RBL2: variants seen among roughly 807,000 people sequenced by gnomAD.
The protein encoded by RBL2 is RB transcriptional corepressor like 2.
A neutral mutation model predicts 126.0 loss-of-function variants in RBL2; 56 were observed. The observed-to-expected ratio is 0.44, with a 90% CI of 0.36 to 0.56. The LOEUF is 0.56. Ranked by LOEUF, RBL2 falls within the 20% of genes least tolerant of loss-of-function variation. The pLI, the probability that RBL2 is intolerant of heterozygous loss-of-function variation, is 0.00. For missense variants in RBL2, 1,229 were observed against 1,398.2 expected, an observed-to-expected ratio of 0.88 and a Z score of 1.93; for synonymous variants, 454 against 478.5, an observed-to-expected ratio of 0.95 and a Z score of 0.67.
At chr16:53,461,881 T>C (rs781735246) in intron 10 of RBL2, 31 bp downstream of exon 10, 12 of 1,550,336 alleles carry the variant, frequency 7.7e-6, no homozygotes, top group Non-Finnish European at 1.1e-5. Flanking sequence ...TCTGCTTTTA[T>C]GTTTGAAGTT....
At chr16:53,477,391 G>A (rs953685048) in intron 17 of RBL2, among the ~76,000 whole-genome samples, 6 of 152,136 alleles carry the variant, frequency 3.9e-5, no homozygotes, top group South Asian at 2.1e-4. Flanking sequence ...AGACTAGAGA[G>A]CAGCGGTGCA....
At chr16:53,434,931 G>C in intron 1 of RBL2, 135 bp downstream of exon 1, 1 of 1,314,796 alleles carries the variant, frequency 7.6e-7, no homozygotes, top group African/African-American at 1.6e-5. Context: ...GACTTCCTCT[G>C]CGCTATTCCG....
intron 8 of RBL2, among the ~76,000 whole-genome samples, chr16:53,456,867 C>T (rs1260084498): frequency 6.6e-6 from 1 of 152,190 alleles, no homozygotes; most frequent in East Asian, 1.9e-4. Flanking sequence ...TCTTTTCCCC[C>T]TGACTCTGCT....
Position 53,490,771 on chromosome 16 carries a change from C to G in RBL2, c.*471C>G, listed in dbSNP as rs967528203. The G allele has an allele frequency of 6.6e-6, 1 of 152,612 alleles. No individual in the cohort carries two copies. The highest frequency in any genetic ancestry group is 6.5e-5 in the Admixed American group (1 of 15,278). 9.5% of individuals were successfully genotyped at this position (152,612 alleles called of 1,614,324 possible). A position where few individuals can be genotyped will look rare whatever the true frequency, so the allele number is the denominator to read the frequency against. Reference sequence around the variant, plus strand: ...TAGGAGTGTGTGATTTTTTGCATTCCTGACAAAGGAGAGCACACCCAGGTT... The same window carrying G: ...TAGGAGTGTGTGATTTTTTGCATTCGTGACAAAGGAGAGCACACCCAGGTT... On this transcript the variant is annotated 3_prime_UTR_variant, in exon 22 of 22. Transcript: ENST00000262133.
chr16:53,483,140 C>T (rs1346753098), intron 21 of RBL2, among the ~76,000 whole-genome samples: 1 of 152,036 alleles, frequency 6.6e-6, no homozygotes, highest in South Asian at 2.1e-4. Flanking sequence ...TACTTTCAAA[C>T]GGGTTGGTTG....
intron 17 of RBL2, 52 bp from the exon 18 acceptor site, chr16:53,479,102 C>A: frequency 2.1e-6 from 3 of 1,428,892 alleles, no homozygotes; most frequent in Non-Finnish European, 3.0e-6. Context: ...GCTCCTCACA[C>A]TATTATGGTG....
chr16:53,479,337 C>A (rs1223471316), intron 18 of RBL2, 112 bp downstream of exon 18: 4 of 875,924 alleles, frequency 4.6e-6, no homozygotes, highest in Non-Finnish European at 7.2e-6. Flanking sequence ...ACACCTGGGA[C>A]TCTACTTAAG....
chr16:53,454,218 T>G (rs1315903667), intron 7 of RBL2: 2 of 453,664 alleles, frequency 4.4e-6, no homozygotes, highest in Non-Finnish European at 8.8e-6. Context: ...TTTGTTTTGT[T>G]TTTTGAGATG....
intron 4 of RBL2, among the ~76,000 whole-genome samples, chr16:53,447,635 T>C (rs2058074968): frequency 6.6e-6 from 1 of 152,010 alleles, no homozygotes; most frequent in Non-Finnish European, 1.5e-5. Context: ...TTTGTCCTTT[T>C]TGTATTTATT....
Position 53,475,835 on chromosome 16 carries a change from CTTTTTTTTTTTTT to C in RBL2, c.2704-3303_2704-3291del, listed in dbSNP as rs10540773. ...AGATACCTTTCTAATATTTCAATAT[CTTTTTTTTTTTTT>C]TTTTTTTTTTTTTTTGAGACAGCAT... On this transcript the variant is annotated intron_variant, in intron 17 of 21. Transcript: ENST00000262133. 2.0e-4 allele frequency among the ~76,000 whole-genome samples: 15 copies of C among 76,452 alleles called. No individual in the cohort carries two copies. In the South Asian group the frequency reaches 3.2e-3, roughly 16 times the overall value. The allele number at this position is 76,452 out of a possible 152,430, so 50.2% of individuals were successfully genotyped here.
chr16:53,446,617 T>C (rs1166153922), intron 3 of RBL2, among the ~76,000 whole-genome samples: 1 of 152,180 alleles, frequency 6.6e-6, no homozygotes, highest in Non-Finnish European at 1.5e-5. Context: ...TTTTGTGATT[T>C]GATATAGTCT....
rs1567722442 is a variant in RBL2, at chr16:53,434,513, CG to C, written c.-41del. ...TTCGCCGTTTGAATGGCTGCGGGCC[CG>C]GGCCCTCACCTCACCTGAGGTCCGG... On this transcript the variant is annotated 5_prime_UTR_variant, in exon 1 of 22. An upstream open reading frame in the 5' UTR loses its in-frame stop. Coordinates refer to ENST00000262133, the MANE Select transcript of RBL2 (RefSeq NM_005611.4). 8 of 1,370,856 alleles carry C rather than the reference CG, an allele frequency of 5.8e-6. No individual in the cohort carries two copies. The highest frequency in any genetic ancestry group is 7.5e-6 in the Non-Finnish European group (8 of 1,067,872). 84.9% of individuals were successfully genotyped at this position (1,370,856 alleles called of 1,614,324 possible).
intron 2 of RBL2, among the ~76,000 whole-genome samples, chr16:53,441,554 T>C (rs2058016402): frequency 6.6e-6 from 1 of 152,196 alleles, no homozygotes; most frequent in Admixed American, 6.5e-5. Flanking sequence ...TGAATATATC[T>C]TACATATCAA....
chr16:53,486,971 G>C (rs1040082294), intron 21 of RBL2, among the ~76,000 whole-genome samples: 7 of 151,992 alleles, frequency 4.6e-5, no homozygotes, highest in Admixed American at 4.6e-4. Flanking sequence ...AAATTACTTA[G>C]GGGTAGGTAT....
Position 53,434,804 on chromosome 16 carries a change from C to A in RBL2, c.240+8C>A. On this transcript the variant is annotated splice_region_variant and intron_variant, in intron 1 of 21. Coordinates refer to ENST00000262133, the MANE Select transcript of RBL2 (RefSeq NM_005611.4). ...GAAAGCTACACGCTGGAGGTGCGCT[C>A]GCGGGCGGAGGGGCGCTTCCGGCCT... 1 of 1,485,866 alleles carries A rather than the reference C, an allele frequency of 6.7e-7. No individual in the cohort carries two copies. The highest frequency in any genetic ancestry group is 1.2e-5 in the South Asian group (1 of 80,954). The allele number at this position is 1,485,866 out of a possible 1,614,324, so 92.0% of individuals were successfully genotyped here.
intron 14 of RBL2, among the ~76,000 whole-genome samples, chr16:53,468,006 A>G (rs1175683156): frequency 6.6e-6 from 1 of 152,184 alleles, no homozygotes. Flanking sequence ...AAATACAGAA[A>G]AGGGCAGTTT....
At chr16:53,468,388 C>A (rs1005557814) in intron 14 of RBL2, among the ~76,000 whole-genome samples, 5 of 151,898 alleles carry the variant, frequency 3.3e-5, no homozygotes, top group South Asian at 4.2e-4. Context: ...CCAACCCCCC[C>A]AAAAAAATCA....
chr16:53,440,015 G>A (rs147721861), intron 2 of RBL2, among the ~76,000 whole-genome samples: 6 of 150,780 alleles, frequency 4.0e-5, no homozygotes, highest in Middle Eastern at 3.5e-3. Context: ...GGCTGGGGGC[G>A]GTGGCTCACA....
Position 53,480,723 on chromosome 16 carries a change from A to G in RBL2, c.3038A>G (p.Tyr1013Cys). 1 of 1,613,498 alleles carries G rather than the reference A, an allele frequency of 6.2e-7. No individual in the cohort carries two copies. The highest frequency in any genetic ancestry group is 8.5e-7 in the Non-Finnish European group (1 of 1,179,984). The stretch of plus-strand genomic sequence containing the variant: ...CTCATTCAGTTCTACAACAACATCT[A>G]CATCAAACAGATTAAGACATTTGCC... Reference protein sequence around the residue: ...GDLIQFYNNIYIKQIKTFAMK... With the variant: ...GDLIQFYNNICIKQIKTFAMK... Residue 1013 changes from tyrosine (Y) to cysteine (C), a missense_variant, in exon 20 of 22, where the codon TAC (tyrosine) becomes TGC (cysteine). Transcript: ENST00000262133.
Sources: allele counts gnomAD v4.1 joint callset (sites outside exome capture counted in the v4.1 genomes callset), GRCh38; gene constraint gnomAD v4.1.1; transcripts MANE v1.5; gene names NCBI Gene and HGNC (gene_info 2026-07-23, HGNC 2026-07-21).